Variants in TENM4 observed in about 807,000 individuals in gnomAD.
TENM4 encodes teneurin-4.
TENM4 carries 82 observed loss-of-function variants against 243.3 expected under a neutral mutation model. The observed-to-expected ratio is 0.34, with a 90% confidence interval of 0.28 to 0.40. The LOEUF (loss-of-function observed/expected upper bound fraction) is 0.40. TENM4 is among the 10% of genes least tolerant of loss of function. The probability of loss-of-function intolerance (pLI) is 1.00; values close to 1 mark genes in which losing one functional copy is unlikely to be tolerated. For missense variants in TENM4, 3,138 were observed against 3,673.3 expected, an observed-to-expected ratio of 0.85 and a Z score of 3.77; for synonymous variants, 1,412 against 1,456.3, an observed-to-expected ratio of 0.97 and a Z score of 0.69.
chr11:79,418,217 T>C (rs1473052383), intron 1 of TENM4, among the ~76,000 whole-genome samples: 1 of 152,178 alleles, frequency 6.6e-6, no homozygotes, highest in Non-Finnish European at 1.5e-5. Flanking sequence ...ATCTGACCAA[T>C]GGCTACCCTA....
Position 78,688,244 on chromosome 11 carries a change from G to A in TENM4, c.5088-18C>T, listed in dbSNP as rs1290004322. 18 of 1,608,826 alleles carry A rather than the reference G, an allele frequency of 1.1e-5. No homozygotes were observed. Among genetic ancestry groups the A allele is most frequent in the Non-Finnish European group, 1.5e-5 (18 of 1,177,028 alleles). Reference sequence around the variant, plus strand: ...TGTCGTACCTGGAAACCAAGGGGTGGCACTGAGTAGTAGAAATATAATGGT... The same window carrying A: ...TGTCGTACCTGGAAACCAAGGGGTGACACTGAGTAGTAGAAATATAATGGT... On this transcript the variant is annotated intron_variant, in intron 28 of 33. Coordinates refer to ENST00000278550, the MANE Select transcript of TENM4 (RefSeq NM_001098816.3).
intron 6 of TENM4, among the ~76,000 whole-genome samples, chr11:79,007,922 T>G (rs1033757014): frequency 9.2e-5 from 14 of 152,088 alleles, no homozygotes; most frequent in Non-Finnish European, 1.9e-4. Flanking sequence ...ATGCCTGGAG[T>G]TCTACCAGGC....
At chr11:79,328,015 G>A (rs1233291946) in intron 1 of TENM4, among the ~76,000 whole-genome samples, 1 of 152,122 alleles carries the variant, frequency 6.6e-6, no homozygotes, top group African/African-American at 2.4e-5. Flanking sequence ...ACATAAGCAT[G>A]GGGAGATTAT....
At chr11:79,270,157 T>G (rs1267265930) in intron 2 of TENM4, among the ~76,000 whole-genome samples, 1 of 152,154 alleles carries the variant, frequency 6.6e-6, no homozygotes, top group Non-Finnish European at 1.5e-5. Flanking sequence ...GCAGGAGCCT[T>G]GAGGCTTAGC....
intron 2 of TENM4, among the ~76,000 whole-genome samples, chr11:79,258,050 G>T (rs1459026951): frequency 6.6e-6 from 1 of 152,132 alleles, no homozygotes; most frequent in African/African-American, 2.4e-5. Context: ...CAGGTTGGGT[G>T]GAAAACTTGG....
intron 1 of TENM4, among the ~76,000 whole-genome samples, chr11:79,335,534 A>G (rs1381287589): frequency 6.6e-6 from 1 of 152,200 alleles, no homozygotes. Context: ...TACTCAGCTT[A>G]GGGGGAAAGG....
chr11:79,215,111 G>T (rs1297340781), intron 3 of TENM4, among the ~76,000 whole-genome samples: 1 of 152,138 alleles, frequency 6.6e-6, no homozygotes, highest in Non-Finnish European at 1.5e-5. Flanking sequence ...GATCCTTCCT[G>T]TGTCCTCAGC....
chr11:79,155,849 T>A (rs1348282907), intron 3 of TENM4, among the ~76,000 whole-genome samples: 1 of 151,702 alleles, frequency 6.6e-6, no homozygotes, highest in African/African-American at 2.4e-5. Flanking sequence ...CATGAAGATG[T>A]GTATCTGGGT....
intron 30 of TENM4, 125 bp from the exon 31 acceptor site, chr11:78,672,454 C>T: frequency 1.0e-6 from 1 of 968,076 alleles, no homozygotes; most frequent in Non-Finnish European, 1.5e-6. Context: ...CAGTCCTGCG[C>T]AGCAACAGAC....
intron 12 of TENM4, among the ~76,000 whole-genome samples, chr11:78,816,607 G>A (rs1241387294): frequency 6.6e-6 from 1 of 152,214 alleles, no homozygotes; most frequent in African/African-American, 2.4e-5. Context: ...GATACAGAAG[G>A]AAACTGAGAC....
At chr11:79,092,549 A>G (rs748108501) in intron 4 of TENM4, among the ~76,000 whole-genome samples, 30 of 152,172 alleles carry the variant, frequency 2.0e-4, no homozygotes, top group Non-Finnish European at 3.4e-4. Flanking sequence ...GAGTGTGCAC[A>G]ATTGGTAGGA....
intron 1 of TENM4, among the ~76,000 whole-genome samples, chr11:79,307,656 C>G (rs1008410021): frequency 2.6e-5 from 4 of 152,170 alleles, no homozygotes; most frequent in African/African-American, 9.7e-5. Context: ...CTCAGCAGCC[C>G]CATTTCCTTT....
chr11:78,732,263 A>T, intron 21 of TENM4, 53 bp downstream of exon 21: 1 of 1,540,856 alleles, frequency 6.5e-7, no homozygotes, highest in Non-Finnish European at 8.8e-7. Context: ...ATCCTCCTCC[A>T]CCCCCAAAAT....
At chr11:79,062,303 CT>C (rs1860112936) in intron 6 of TENM4, among the ~76,000 whole-genome samples, 1 of 152,126 alleles carries the variant, frequency 6.6e-6, no homozygotes, top group Admixed American at 6.6e-5. Flanking sequence ...TATCATTTTC[CT>C]CTTGCACACC....
At chr11:78,866,586 C>T (rs1204942721) in intron 9 of TENM4, among the ~76,000 whole-genome samples, 1 of 150,108 alleles carries the variant, frequency 6.7e-6, no homozygotes, top group African/African-American at 2.5e-5. Flanking sequence ...GGACAGTCCA[C>T]AGTTATGAGG....
chr11:79,227,887 C>T (rs998269588), intron 2 of TENM4, among the ~76,000 whole-genome samples: 2 of 152,184 alleles, frequency 1.3e-5, no homozygotes, highest in Non-Finnish European at 2.9e-5. Flanking sequence ...ACACTGACAT[C>T]TTAATGGGAT....
intron 3 of TENM4, among the ~76,000 whole-genome samples, chr11:79,171,440 G>A (rs764901430): frequency 1.5e-3 from 234 of 152,354 alleles, no homozygotes; most frequent in Non-Finnish European, 1.5e-3. Flanking sequence ...CCCAGCCATG[G>A]AAACGCTGTG....
intron 18 of TENM4, among the ~76,000 whole-genome samples, chr11:78,761,147 G>A (rs1214543905): frequency 1.3e-5 from 2 of 152,082 alleles, no homozygotes; most frequent in Admixed American, 1.3e-4. Context: ...CATTTCCTAC[G>A]TGTTCTATGA....
chr11:78,897,192 G>A (rs1051685897), intron 7 of TENM4, among the ~76,000 whole-genome samples: 13 of 152,126 alleles, frequency 8.5e-5, no homozygotes, highest in Non-Finnish European at 1.8e-4. Context: ...CATTTCACAC[G>A]TTGTCACAAC....
Sources: allele counts gnomAD v4.1 joint callset (sites outside exome capture counted in the v4.1 genomes callset), GRCh38; gene constraint gnomAD v4.1.1; transcripts MANE v1.5; gene names NCBI Gene and HGNC (gene_info 2026-07-23, HGNC 2026-07-21).